Variants in MEI4 observed in about 807,000 individuals in gnomAD.
MEI4 encodes meiotic double-stranded break formation protein 4.
A neutral mutation model predicts 31.4 loss-of-function variants in MEI4; 27 were observed. That is an observed-to-expected ratio of 0.86 (90% CI 0.63 to 1.19). The LOEUF is 1.19. Among genes scored for constraint, MEI4 ranks in the 50% most tolerant of loss-of-function variants. The pLI, the probability that MEI4 is intolerant of heterozygous loss-of-function variation, is 0.00. For synonymous variants in MEI4, 122 were observed against 145.4 expected, an observed-to-expected ratio of 0.84 and a Z score of 1.16; for missense variants, 329 against 398.9, an observed-to-expected ratio of 0.82 and a Z score of 1.49.
intron 1 of MEI4, among the ~76,000 whole-genome samples, chr6:77,688,893 A>T (rs990772350): frequency 5.9e-5 from 9 of 152,044 alleles, no homozygotes; most frequent in African/African-American, 2.2e-4. Flanking sequence ...CTGATGACAG[A>T]TGGAGGATGA....
At chr6:77,911,770 C>G (rs1350576070) in intron 4 of MEI4, among the ~76,000 whole-genome samples, 1 of 149,320 alleles carries the variant, frequency 6.7e-6, no homozygotes, top group East Asian at 1.9e-4. Flanking sequence ...TTTATCCAGT[C>G]CACTGTTGAT....
At chr6:77,861,726 G>A (rs557465546) in intron 4 of MEI4, among the ~76,000 whole-genome samples, 1 of 152,128 alleles carries the variant, frequency 6.6e-6, no homozygotes, top group Non-Finnish European at 1.5e-5. Context: ...ATGAACTTAA[G>A]CAAGTTAAAT....
chr6:77,732,775 A>G (rs1175608011), intron 2 of MEI4, among the ~76,000 whole-genome samples: 7 of 152,186 alleles, frequency 4.6e-5, no homozygotes, highest in Admixed American at 1.3e-4. Context: ...TGCCATAGAT[A>G]GCTCTTATTA....
intron 4 of MEI4, among the ~76,000 whole-genome samples, chr6:77,848,189 A>T (rs1201930044): frequency 6.6e-6 from 1 of 152,190 alleles, no homozygotes; most frequent in African/African-American, 2.4e-5. Context: ...GTGTCCTGGG[A>T]TTAAAAGAAA....
intron 2 of MEI4, among the ~76,000 whole-genome samples, chr6:77,729,617 A>T (rs1013724578): frequency 7.2e-5 from 11 of 152,170 alleles, no homozygotes; most frequent in African/African-American, 2.2e-4. Flanking sequence ...GAGTTTGGGA[A>T]AAGAGCAAAG....
intron 1 of MEI4, among the ~76,000 whole-genome samples, chr6:77,659,552 T>C (rs917764528): frequency 9.9e-5 from 15 of 152,114 alleles, no homozygotes; most frequent in Admixed American, 7.2e-4. Flanking sequence ...AAACGTTGAG[T>C]ATCTACGAGC....
At chr6:77,784,573 A>G (rs1768681751) in intron 3 of MEI4, among the ~76,000 whole-genome samples, 1 of 152,196 alleles carries the variant, frequency 6.6e-6, no homozygotes, top group South Asian at 2.1e-4. Context: ...GGGAATTAAT[A>G]CTGAAGAAAC....
rs1196037556 is a variant in MEI4 at position 77,724,935 on chromosome 6, C to T, written c.232+34032C>T. On this transcript the variant is annotated intron_variant, in intron 2 of 4. Coordinates refer to ENST00000684080, the MANE Select transcript of MEI4 (RefSeq NM_001322247.2). ...CTTTTCATTACAATCTATTATACCG[C>T]TTCCAGGGGCATCAGAAACTGAAAT... is the stretch of plus-strand genomic sequence containing the variant. 7.6e-5 allele frequency among the ~76,000 whole-genome samples: 11 copies of T among 144,576 alleles called. 1 individual carries two copies. The highest frequency in any genetic ancestry group is 1.5e-4 in the Non-Finnish European group (10 of 65,466). The allele number at this position is 144,576 out of a possible 152,430, so 94.8% of individuals were successfully genotyped here. A position where few individuals can be genotyped will look rare whatever the true frequency, so the allele number is the denominator to read the frequency against.
At chr6:77,901,981 ATTTTTGTTC>A (rs1487930844) in intron 4 of MEI4, among the ~76,000 whole-genome samples, 10 of 151,902 alleles carry the variant, frequency 6.6e-5, no homozygotes, top group Admixed American at 5.9e-4. Context: ...TCTATTGTAT[ATTTTTGTTC>A]TTTTTTGGGA....
intron 3 of MEI4, among the ~76,000 whole-genome samples, chr6:77,799,717 G>T (rs1292284705): frequency 6.6e-6 from 1 of 152,108 alleles, no homozygotes; most frequent in African/African-American, 2.4e-5. Context: ...CATATGGCTA[G>T]CCAGTTTTCC....
intron 1 of MEI4, among the ~76,000 whole-genome samples, chr6:77,689,422 T>C (rs1340626340): frequency 6.6e-6 from 1 of 152,104 alleles, no homozygotes; most frequent in Non-Finnish European, 1.5e-5. Flanking sequence ...TCATTACTAA[T>C]TATAATAAAA....
chr6:77,729,472 A>AG (rs1411735822), intron 2 of MEI4, among the ~76,000 whole-genome samples: 11 of 152,206 alleles, frequency 7.2e-5, no homozygotes, highest in African/African-American at 2.7e-4. Flanking sequence ...GATGTGGGTT[A>AG]GTATTGGTGT....
chr6:77,905,530 T>C lies in MEI4; in HGVS notation c.901-17559T>C, dbSNP rs185824425. ...TTTTTTTTTTGTGGCAGAGTCTCAC[T>C]CTGTCTCCCAGGCTGGAGTGCAGTG... On this transcript the variant is annotated intron_variant, in intron 4 of 4. Transcript: ENST00000684080. Among the ~76,000 whole-genome samples, 556 of 128,504 alleles carry C rather than the reference T, an allele frequency of 4.3e-3. 4 individuals are homozygous for C. Among genetic ancestry groups the C allele is most frequent in the Middle Eastern group, 0.042 (9 of 216 alleles). The allele number at this position is 128,504 out of a possible 152,430, so 84.3% of individuals were successfully genotyped here.
At chr6:77,703,326 G>A (rs1286616601) in intron 2 of MEI4, among the ~76,000 whole-genome samples, 2 of 152,192 alleles carry the variant, frequency 1.3e-5, no homozygotes, top group African/African-American at 2.4e-5. Flanking sequence ...ACCCAGTAAA[G>A]TAGGGTGAGT....
chr6:77,703,476 G>C (rs1766266404), intron 2 of MEI4, among the ~76,000 whole-genome samples: 1 of 152,194 alleles, frequency 6.6e-6, no homozygotes, highest in East Asian at 1.9e-4. Context: ...TGCATTCCTA[G>C]GTCTTTGCTT....
intron 1 of MEI4, among the ~76,000 whole-genome samples, chr6:77,675,880 G>T (rs1052845577): frequency 6.6e-6 from 1 of 152,314 alleles, no homozygotes; most frequent in Non-Finnish European, 1.5e-5. Context: ...TCAGCCGAGT[G>T]TCCCTGAGGT....
At chr6:77,690,534 T>G in intron 1 of MEI4, 124 bp from the exon 2 acceptor site, 1 of 440,462 alleles carries the variant, frequency 2.3e-6, no homozygotes, top group Non-Finnish European at 3.8e-6. Context: ...TTTCTGTTAC[T>G]TGGTGCCAAG....
chr6:77,874,448 T>C (rs12195247), intron 4 of MEI4, among the ~76,000 whole-genome samples: 44,707 of 152,152 alleles, frequency 0.29, 7,148 homozygotes, highest in South Asian at 0.38. Context: ...TTTTTGCACA[T>C]TGATTTTATA....
chr6:77,826,611 T>C (rs1015165260), intron 3 of MEI4, among the ~76,000 whole-genome samples: 1 of 152,178 alleles, frequency 6.6e-6, no homozygotes, highest in Non-Finnish European at 1.5e-5. Flanking sequence ...TCAAGCATTG[T>C]GTCGTTTTCT....
Sources: allele counts gnomAD v4.1 joint callset (sites outside exome capture counted in the v4.1 genomes callset), GRCh38; gene constraint gnomAD v4.1.1; transcripts MANE v1.5; gene names NCBI Gene and HGNC (gene_info 2026-07-23, HGNC 2026-07-21).